The following LEMD1 variants were observed in gnomAD, a reference collection of about 807,000 sequenced individuals.
LEMD1 encodes the protein LEM domain containing 1, also known as LEM domain-containing protein 1.
A neutral mutation model predicts 17.4 loss-of-function variants in LEMD1; 18 were observed. The ratio of observed to expected loss-of-function variants is 1.04; its 90% CI spans 0.72 to 1.54. LEMD1 has a LOEUF of 1.54. Ranked by LOEUF, LEMD1 falls within the 40% of genes most tolerant of loss-of-function variation. The probability of loss-of-function intolerance (pLI) is 0.00; values close to 1 mark genes in which losing one functional copy is unlikely to be tolerated. For synonymous variants in LEMD1, 88 were observed against 77.8 expected (o/e 1.13, Z -0.69); for missense variants, 195 against 210.4 (o/e 0.93, Z 0.45).
At position 205,438,620 on chromosome 1, in the gene LEMD1, T is replaced by TAG. The variant is rs540755028; in HGVS notation, c.-39+11246_-39+11247dup. On this transcript the variant is annotated intron_variant, in intron 1 of 3. Coordinates refer to the LEMD1 transcript ENST00000367154. The stretch of plus-strand genomic sequence containing the variant: ...AATGTGGGGTTGGGGTGTGCCTGGC[T>TAG]AGAAGCTGCTACCTCCTGCTCAGAC... Among the ~76,000 whole-genome samples the TAG allele has an allele frequency of 1.5e-3, 221 of 152,296 alleles. 1 individual carries two copies. The highest frequency in any genetic ancestry group is 5.2e-3 in the African/African-American group (216 of 41,556).
intron 4 of LEMD1, among the ~76,000 whole-genome samples, chr1:205,395,221 C>T (rs183430804): frequency 6.6e-6 from 1 of 152,156 alleles, no homozygotes; most frequent in Admixed American, 6.6e-5. Flanking sequence ...AAATCTTAAC[C>T]ACCTGTAAAT....
At chr1:205,439,522 C>T (rs1666258981) in intron 1 of LEMD1, among the ~76,000 whole-genome samples, 1 of 152,160 alleles carries the variant, frequency 6.6e-6, no homozygotes, top group Admixed American at 6.5e-5. Flanking sequence ...AGGTTTTGGG[C>T]GAACCAGCCG....
intron 4 of LEMD1, among the ~76,000 whole-genome samples, chr1:205,403,203 G>C (rs1253330608): frequency 6.6e-6 from 1 of 152,256 alleles, no homozygotes; most frequent in East Asian, 1.9e-4. Flanking sequence ...TATCAGGATG[G>C]TACTGGCCTC....
rs573143062 is a variant in LEMD1, at chr1:205,448,990, C to A, written c.-39+878G>T. Among the ~76,000 whole-genome samples the A allele has an allele frequency of 1.3e-5, 2 of 152,236 alleles. No homozygotes were observed. The highest frequency in any genetic ancestry group is 4.2e-4 in the South Asian group (2 of 4,814). On this transcript the variant is annotated intron_variant, in intron 1 of 3. Coordinates refer to the LEMD1 transcript ENST00000367154. This position sits in a 1 kb window ranked among gnomAD's most constrained non-coding sequence, Gnocchi z 4.7. ...CCAGACCAGTCTGGGTGGTTACCGA[C>A]AACACCCATTCTTGCATAGTTTAGA...
chr1:205,389,445 A>G (rs946869187), intron 4 of LEMD1, among the ~76,000 whole-genome samples: 1 of 152,158 alleles, frequency 6.6e-6, no homozygotes. Context: ...CAAGACATAT[A>G]TTTACCGTGT....
intron 1 of LEMD1, among the ~76,000 whole-genome samples, chr1:205,447,017 C>T (rs1158714158): frequency 2.0e-5 from 3 of 152,230 alleles, no homozygotes; most frequent in African/African-American, 4.8e-5. Flanking sequence ...AATTTGTGGA[C>T]GTGCATCCAA....
At chr1:205,425,367 G>A (rs1487669472), upstream of LEMD1, among the ~76,000 whole-genome samples, 1 of 152,160 alleles carries the variant, frequency 6.6e-6, no homozygotes, top group African/African-American at 2.4e-5. Context: ...AGCTGGGCAG[G>A]GGAAGTGGGG....
chr1:205,448,953 G>A lies in LEMD1; in HGVS notation c.-39+915C>T, dbSNP rs577369500. On this transcript the variant is annotated intron_variant, in intron 1 of 3. Coordinates refer to the LEMD1 transcript ENST00000367154. This position sits in a 1 kb window ranked among gnomAD's most constrained non-coding sequence, Gnocchi z 4.7. ...TTGAGTGCCCCCAGGGGTGGGGGCTGGGCCAACCTACCCAGACCAGTCTGG... is the reference window on the plus strand; with the variant it reads ...TTGAGTGCCCCCAGGGGTGGGGGCTAGGCCAACCTACCCAGACCAGTCTGG... Among the ~76,000 whole-genome samples the A allele has an allele frequency of 5.9e-5, 9 of 152,228 alleles. No homozygotes were observed. In the South Asian group the frequency reaches 1.9e-3, roughly 32 times the overall value.
Position 205,384,310 on chromosome 1 carries a change from A to G in LEMD1, c.325T>C (p.Tyr109His). Residue 109 changes from tyrosine (Y) to histidine (H), a missense_variant, in exon 5 of 6, where the codon TAT becomes CAT. By Grantham distance (83) the Tyr-to-His change is moderately conservative (BLOSUM62 2). Coordinates refer to ENST00000367153, the MANE Select transcript of LEMD1 (RefSeq NM_001199050.2). ...TACCTTCTTCCCTTGGAAGGCTTAT[A>G]ATCCAAGCAATAGGTATCTACAGCT... Reference protein sequence around the residue: ...RKAVDTYCLDYKPSKGRRWAA... With the variant: ...RKAVDTYCLDHKPSKGRRWAA... The G allele has an allele frequency of 6.6e-7, 1 of 1,519,072 alleles. No homozygotes were observed. The highest frequency in any genetic ancestry group is 1.3e-5 in the South Asian group (1 of 78,072). 94.1% of individuals were successfully genotyped at this position (1,519,072 alleles called of 1,614,324 possible).
Position 205,384,274 on chromosome 1 carries a change from A to G in LEMD1, c.347+14T>C. On this transcript the variant is annotated intron_variant, in intron 5 of 5. Transcript: ENST00000367153. ...ATAATATCAATTTCCACATATGCTA[A>G]AAAACATCATTACCTTCTTCCCTTG... The G allele has an allele frequency of 6.9e-7, 1 of 1,449,820 alleles. No homozygotes were observed. The highest frequency in any genetic ancestry group is 9.2e-7 in the Non-Finnish European group (1 of 1,090,340). 89.8% of individuals were successfully genotyped at this position (1,449,820 alleles called of 1,614,324 possible).
upstream of LEMD1, among the ~76,000 whole-genome samples, chr1:205,426,070 G>A (rs942562235): frequency 6.6e-6 from 1 of 152,182 alleles, no homozygotes; most frequent in African/African-American, 2.4e-5. Flanking sequence ...CTCATATGAA[G>A]AGTACACTTA....
chr1:205,414,663 A>T (rs949278315), intron 4 of LEMD1, among the ~76,000 whole-genome samples: 8 of 152,034 alleles, frequency 5.3e-5, no homozygotes, highest in African/African-American at 1.9e-4. Context: ...AGCTCAGGCA[A>T]TCCTTCCACC....
intron 3 of LEMD1, among the ~76,000 whole-genome samples, chr1:205,417,531 G>A (rs961006479): frequency 6.6e-6 from 1 of 152,168 alleles, no homozygotes; most frequent in African/African-American, 2.4e-5. Flanking sequence ...AAGCAGGCTT[G>A]GATCTGGGAC....
intron 1 of LEMD1, among the ~76,000 whole-genome samples, chr1:205,442,592 T>A (rs1666313061): frequency 6.6e-6 from 1 of 152,144 alleles, no homozygotes; most frequent in Non-Finnish European, 1.5e-5. Flanking sequence ...AGCTAATAGC[T>A]GTAATTAATA....
At position 205,384,334 on chromosome 1, in the gene LEMD1, C is replaced by G. The variant is rs1395549502; in HGVS notation, c.301G>C (p.Ala101Pro). 1 of 1,524,038 alleles carries G rather than the reference C, an allele frequency of 6.6e-7. No individual in the cohort carries two copies. The highest frequency in any genetic ancestry group is 1.4e-5 in the African/African-American group (1 of 71,606). 94.4% of individuals were successfully genotyped at this position (1,524,038 alleles called of 1,614,324 possible). A position where few individuals can be genotyped will look rare whatever the true frequency, so the allele number is the denominator to read the frequency against. Residue 101 changes from alanine (A) to proline (P), a missense_variant, in exon 5 of 6, where the codon GCT becomes CCT. Ala to Pro is a conservative substitution (Grantham distance 27, BLOSUM62 -1). Transcript: ENST00000367153. ...TAATCCAAGCAATAGGTATCTACAG[C>G]TTTGCGTTTAGTGGTGGAAGCCTCA... ...WPEASTTKRK[A>P]VDTYCLDYKP...
At chr1:205,422,872 C>A (rs2102446935), upstream of LEMD1, among the ~76,000 whole-genome samples, 1 of 152,302 alleles carries the variant, frequency 6.6e-6, no homozygotes, top group East Asian at 1.9e-4. Context: ...TGGGTGACAT[C>A]ACATCAGGTA....
At chr1:205,398,642 C>A (rs974465647) in intron 4 of LEMD1, among the ~76,000 whole-genome samples, 4 of 152,150 alleles carry the variant, frequency 2.6e-5, no homozygotes, top group Non-Finnish European at 5.9e-5. Context: ...GAAGTGTTGG[C>A]ATGCCTGGAG....
intron 4 of LEMD1, among the ~76,000 whole-genome samples, chr1:205,406,986 C>G (rs956169347): frequency 6.6e-6 from 1 of 152,100 alleles, no homozygotes; most frequent in Non-Finnish European, 1.5e-5. Context: ...GACCCTTAGA[C>G]AGCTTCAAAA....
At chr1:205,400,843 T>TCCCC (rs58251224) in intron 4 of LEMD1, among the ~76,000 whole-genome samples, 39 of 79,658 alleles carry the variant, frequency 4.9e-4, no homozygotes, top group African/African-American at 6.7e-4. Flanking sequence ...ATGCTATCCC[T>TCCCC]CCCCCCCCCC....
Sources: gnomAD v4.1 joint callset for allele counts (sites outside exome capture counted in the v4.1 genomes callset) on GRCh38, gnomAD v4.1.1 for gene constraint, Gnocchi (gnomAD v3.1) non-coding constraint, MANE v1.5 for transcripts, NCBI Gene and HGNC (gene_info 2026-07-23, HGNC 2026-07-21) for gene names.